Variants in RGSL1 observed in about 807,000 individuals in gnomAD.
RGSL1 encodes regulator of G protein signaling like 1.
In RGSL1, 97 loss-of-function variants were observed where a neutral mutation model predicts 124.7. The observed-to-expected ratio is 0.78, with a 90% confidence interval of 0.66 to 0.92. The LOEUF is 0.92. RGSL1 is among the 40% of genes least tolerant of loss of function. RGSL1 has a pLI of 0.00. For synonymous variants in RGSL1, 424 were observed against 438.1 expected (o/e 0.97, Z 0.40); for missense variants, 1,233 against 1,288.4 (o/e 0.96, Z 0.66).
chr1:182,558,174 C>T (rs1660970685), intron 21 of RGSL1, among the ~76,000 whole-genome samples: 1 of 152,216 alleles, frequency 6.6e-6, no homozygotes, highest in Non-Finnish European at 1.5e-5. Context: ...CACAGCCCAA[C>T]AAATTGCATT....
chr1:182,506,599 G>C (rs1656824893), intron 9 of RGSL1, among the ~76,000 whole-genome samples: 2 of 151,890 alleles, frequency 1.3e-5, no homozygotes, highest in Admixed American at 6.6e-5. Flanking sequence ...TCATATTTAA[G>C]CTAAGCCCCT....
At chr1:182,459,973 C>G in intron 3 of RGSL1, 31 bp from the exon 4 acceptor site, 1 of 1,544,490 alleles carries the variant, frequency 6.5e-7, no homozygotes, top group South Asian at 1.2e-5. Flanking sequence ...TTTCACTTAG[C>G]ATTTTTGTTT....
In RGSL1 at chr1:182,554,659, G is replaced by GT; in HGVS notation, c.3164dup (p.Val1056GlyfsTer31). On this transcript the variant is annotated frameshift_variant, in exon 20 of 22. Transcript: ENST00000294854. LOFTEE classifies it high-confidence loss of function. ...AAGCAAACTTACTCAGCCAAGACTC[G>GT]TGGTATCTGCCATGCAGCTGCATCC... 6.4e-7 allele frequency: 1 copy of GT among 1,551,678 alleles called. No individual in the cohort carries two copies.
At chr1:182,532,529 A>C in intron 13 of RGSL1, 133 bp from the exon 14 acceptor site, 1 of 753,010 alleles carries the variant, frequency 1.3e-6, no homozygotes, top group South Asian at 2.0e-5. Flanking sequence ...TTTAAATTGG[A>C]GCTAAAAATT....
chr1:182,453,149 C>T (rs1232342361), intron 1 of RGSL1, among the ~76,000 whole-genome samples: 1 of 152,130 alleles, frequency 6.6e-6, no homozygotes, highest in Admixed American at 6.5e-5. Context: ...ACTTGGGCAG[C>T]ACGATGATCA....
intron 21 of RGSL1, among the ~76,000 whole-genome samples, chr1:182,557,782 G>A (rs1201799493): frequency 6.6e-6 from 1 of 152,150 alleles, no homozygotes; most frequent in Admixed American, 6.5e-5. Flanking sequence ...CTTCTCTTTT[G>A]TTAAGTTTTG....
At chr1:182,471,163 C>A in intron 4 of RGSL1, 2 of 406,972 alleles carry the variant, frequency 4.9e-6, no homozygotes, top group Admixed American at 5.3e-5. Context: ...GCTCATCTAA[C>A]TGGTCACAAT....
At position 182,555,811 on chromosome 1, in the gene RGSL1, T is replaced by G. The variant is rs1371870067; in HGVS notation, c.3198-213T>G. The G allele has an allele frequency of 5.2e-6, 3 of 577,628 alleles. No homozygotes were observed. The African/African-American group carries it at 5.7e-5, about 11-fold the overall frequency. The allele number at this position is 577,628 out of a possible 1,614,324, so 35.8% of individuals were successfully genotyped here. ...GACAAACCAGATACTTTGAAGCTCT[T>G]TACACTGGAAAAGCAATGCATGGCT... On this transcript the variant is annotated intron_variant, in intron 20 of 21. Transcript: ENST00000294854.
intron 6 of RGSL1, among the ~76,000 whole-genome samples, chr1:182,483,450 A>T (rs1204220346): frequency 6.6e-6 from 1 of 152,150 alleles, no homozygotes; most frequent in Non-Finnish European, 1.5e-5. Flanking sequence ...AAATAATTTT[A>T]AAAATACATA....
chr1:182,551,402 G>C (rs1472383451), intron 18 of RGSL1, among the ~76,000 whole-genome samples, 193 bp downstream of exon 18: 1 of 152,188 alleles, frequency 6.6e-6, no homozygotes, highest in Non-Finnish European at 1.5e-5. Context: ...AGCAGTGCTA[G>C]CAGAGGGTAC....
chr1:182,506,581 C>T (rs914797622), intron 9 of RGSL1, among the ~76,000 whole-genome samples: 3 of 151,990 alleles, frequency 2.0e-5, no homozygotes, highest in Admixed American at 1.3e-4. Context: ...TTTAATATCC[C>T]TTTGTTCTCA....
At chr1:182,463,103 C>T (rs1433271707) in intron 4 of RGSL1, among the ~76,000 whole-genome samples, 1 of 151,962 alleles carries the variant, frequency 6.6e-6, no homozygotes, top group East Asian at 1.9e-4. Context: ...ACCATCCTGG[C>T]TAACACGGTG....
At chr1:182,553,937 C>T (rs1660713665) in intron 19 of RGSL1, among the ~76,000 whole-genome samples, 1 of 152,160 alleles carries the variant, frequency 6.6e-6, no homozygotes. Context: ...GATTTGAACA[C>T]ACCATTTCAT....
At chr1:182,511,392 G>A (rs542542854) in intron 9 of RGSL1, among the ~76,000 whole-genome samples, 3 of 152,238 alleles carry the variant, frequency 2.0e-5, no homozygotes, top group South Asian at 2.1e-4. Context: ...TCAAACTCCC[G>A]ACCTCAGGTG....
rs951334631 is a variant in RGSL1 at position 182,472,368 on chromosome 1, C to G, written c.302-28C>G. The G allele has an allele frequency of 2.6e-6, 4 of 1,536,382 alleles. No homozygotes were observed. In the African/African-American group the frequency reaches 5.5e-5, roughly 21 times the overall value. On this transcript the variant is annotated intron_variant, in intron 4 of 21. Transcript: ENST00000294854. ...CCAAAGGGGCAAAACTAGGGTATAG[C>G]TCTGTGCCTCTTCTGTCTCACCCGT...
intron 6 of RGSL1, among the ~76,000 whole-genome samples, chr1:182,480,404 C>T (rs1048307348): frequency 4.6e-5 from 7 of 151,874 alleles, no homozygotes; most frequent in African/African-American, 1.7e-4. Context: ...TCAATCCAGC[C>T]TGGGTGAAAG....
chr1:182,506,634 ATTTTTG>A (rs1656827252), intron 9 of RGSL1, among the ~76,000 whole-genome samples: 1 of 151,916 alleles, frequency 6.6e-6, no homozygotes, highest in South Asian at 2.1e-4. Context: ...TATTTCTTAT[ATTTTTG>A]TTTCCATTTA....
chr1:182,478,759 G>T (rs1654480952), intron 6 of RGSL1, among the ~76,000 whole-genome samples: 1 of 152,090 alleles, frequency 6.6e-6, no homozygotes, highest in African/African-American at 2.4e-5. Context: ...CTCCAAATAG[G>T]CTGAACCTAA....
chr1:182,450,371 G>T, intron 1 of RGSL1, 193 bp downstream of exon 1: 2 of 677,428 alleles, frequency 3.0e-6, no homozygotes, highest in Non-Finnish European at 5.2e-6. Context: ...GATCTTTGAG[G>T]ATAGTACAGG....
Sources: gnomAD v4.1 joint callset for allele counts (sites outside exome capture counted in the v4.1 genomes callset) on GRCh38, gnomAD v4.1.1 for gene constraint, MANE v1.5 for transcripts, NCBI Gene and HGNC (gene_info 2026-07-23, HGNC 2026-07-21) for gene names.